PDE4D: variants seen among roughly 807,000 people sequenced by gnomAD.
PDE4D encodes 3',5'-cyclic-AMP phosphodiesterase 4D.
A neutral mutation model predicts 87.4 loss-of-function variants in PDE4D; 24 were observed. The observed-to-expected ratio is 0.27, with a 90% CI of 0.20 to 0.39. The LOEUF (loss-of-function observed/expected upper bound fraction) is 0.39, where lower values mean the gene tolerates loss of function less well. PDE4D is among the 10% of genes least tolerant of loss of function. PDE4D has a pLI of 1.00. For missense variants in PDE4D, 714 were observed against 1,041.0 expected (o/e 0.69, Z 4.32); for synonymous variants, 384 against 383.2 (o/e 1.00, Z -0.02).
chr5:59,090,713 T>A (rs2153428288), intron 5 of PDE4D, among the ~76,000 whole-genome samples: 1 of 151,482 alleles, frequency 6.6e-6, no homozygotes, highest in African/African-American at 2.4e-5. Context: ...CCAAAGAATA[T>A]TTGCATTCTA....
chr5:59,256,250 G>T (rs1321619278), intron 1 of PDE4D, among the ~76,000 whole-genome samples: 3 of 152,002 alleles, frequency 2.0e-5, no homozygotes, highest in African/African-American at 7.2e-5. Context: ...ATTCTCTGTA[G>T]TTAGAGCATT....
At chr5:59,967,175 G>C (rs911360913) in intron 3 of PDE4D, among the ~76,000 whole-genome samples, 3 of 152,032 alleles carry the variant, frequency 2.0e-5, no homozygotes, top group Admixed American at 6.6e-5. Flanking sequence ...AATTATTGAT[G>C]TCAGCAGGGC....
At chr5:60,161,250 A>G (rs1484848874) in intron 2 of PDE4D, among the ~76,000 whole-genome samples, 3 of 152,166 alleles carry the variant, frequency 2.0e-5, no homozygotes, top group Admixed American at 2.0e-4. Flanking sequence ...AGTAGACTGC[A>G]TAAGTTGACT....
rs548085303 is a variant in PDE4D at position 59,180,852 on chromosome 5, T to C, written c.759-208A>G. On this transcript the variant is annotated intron_variant, in intron 4 of 14. Transcript: ENST00000340635. ...CACACATGTCCAAAAAGAAAACTGG[T>C]AAATCTCACAGTGATTGATTTGGGG... Among the ~76,000 whole-genome samples the C allele has an allele frequency of 4.6e-5, 7 of 152,332 alleles. No homozygotes were observed. In the South Asian group the frequency reaches 6.2e-4, roughly 14 times the overall value.
chr5:58,990,896 C>A lies in PDE4D; in HGVS notation c.1195G>T (p.Glu399Ter). ...EQEDVLAKEL[E>*]DVNKWGLHVF... ...TGAAGACCCCATTTGTTCACATCTT[C>A]TAGTTCCTGGAGTGAAAAAAAAAAA... Residue 399 changes from glutamate to a stop codon, truncating the protein, a stop_gained, in exon 9 of 15, where the codon GAA becomes TAA. Coordinates refer to ENST00000340635, the MANE Select transcript of PDE4D (RefSeq NM_001104631.2). LOFTEE classifies it high-confidence loss of function. The A allele has an allele frequency of 6.5e-7, 1 of 1,548,370 alleles. No homozygotes were observed. Among genetic ancestry groups the A allele is most frequent in the Non-Finnish European group, 8.8e-7 (1 of 1,131,800 alleles).
intron 1 of PDE4D, among the ~76,000 whole-genome samples, chr5:59,421,995 G>A (rs534397338): frequency 3.3e-4 from 50 of 152,110 alleles, no homozygotes; most frequent in African/African-American, 1.1e-3. Flanking sequence ...AACGTGGGAG[G>A]AAGCCCTTAG....
intron 1 of PDE4D, among the ~76,000 whole-genome samples, chr5:60,243,307 A>ACAAGAT (rs1747344383): frequency 6.6e-6 from 1 of 152,014 alleles, no homozygotes; most frequent in Non-Finnish European, 1.5e-5. Context: ...ATAATAAGCA[A>ACAAGAT]CAAGATCAAA....
At chr5:59,244,132 A>T (rs912834543) in intron 1 of PDE4D, among the ~76,000 whole-genome samples, 1 of 152,064 alleles carries the variant, frequency 6.6e-6, no homozygotes, top group Non-Finnish European at 1.5e-5. Context: ...AGAATAAAAA[A>T]TTATATATAT....
At chr5:59,645,267 C>A (rs1580118897) in intron 1 of PDE4D, among the ~76,000 whole-genome samples, 1 of 152,172 alleles carries the variant, frequency 6.6e-6, no homozygotes. Flanking sequence ...AGCTTCAGGG[C>A]CCCTCACTTG....
chr5:60,092,741 C>T (rs1775268641), intron 2 of PDE4D, among the ~76,000 whole-genome samples: 1 of 152,154 alleles, frequency 6.6e-6, no homozygotes, highest in African/African-American at 2.4e-5. Flanking sequence ...AAAAGTGAAT[C>T]ACCAAGCCCA....
chr5:59,981,036 A>G (rs1761874552), intron 3 of PDE4D, among the ~76,000 whole-genome samples: 1 of 152,030 alleles, frequency 6.6e-6, no homozygotes, highest in Non-Finnish European at 1.5e-5. Flanking sequence ...AAGATTTCAT[A>G]AGGCCAGGAG....
At chr5:59,584,156 G>A (rs1392227110) in intron 1 of PDE4D, among the ~76,000 whole-genome samples, 3 of 152,232 alleles carry the variant, frequency 2.0e-5, no homozygotes, top group African/African-American at 4.8e-5. Context: ...CTTACAGTAG[G>A]ACAAAGGGAA....
intron 1 of PDE4D, among the ~76,000 whole-genome samples, chr5:59,784,326 A>T (rs1466838710): frequency 6.6e-6 from 1 of 151,654 alleles, no homozygotes; most frequent in Non-Finnish European, 1.5e-5. Context: ...ATGGATTAGG[A>T]GCAAAAGATT....
chr5:59,488,475 C>T (rs372009500), intron 1 of PDE4D, among the ~76,000 whole-genome samples: 10 of 152,148 alleles, frequency 6.6e-5, no homozygotes, highest in African/African-American at 1.7e-4. Flanking sequence ...AATAGGGACA[C>T]TTCTCTTTTT....
At chr5:60,519,269 C>T (rs1254268876) in intron 1 of PDE4D, among the ~76,000 whole-genome samples, 1 of 152,216 alleles carries the variant, frequency 6.6e-6, no homozygotes, top group Admixed American at 6.5e-5. Flanking sequence ...TTTCTACTTC[C>T]ACCCTTTTCC....
chr5:60,287,600 G>T (rs1366743388), intron 1 of PDE4D, among the ~76,000 whole-genome samples: 1 of 152,066 alleles, frequency 6.6e-6, no homozygotes, highest in African/African-American at 2.4e-5. Flanking sequence ...TTCTCTACAC[G>T]TGCCTATTCA....
chr5:59,067,459 T>C (rs1764116031), intron 5 of PDE4D, among the ~76,000 whole-genome samples: 1 of 152,208 alleles, frequency 6.6e-6, no homozygotes, highest in Non-Finnish European at 1.5e-5. Context: ...TTTCAATTAG[T>C]ACTTTTTTTG....
intron 1 of PDE4D, among the ~76,000 whole-genome samples, chr5:59,316,008 C>G (rs1210194362): frequency 6.6e-6 from 1 of 152,108 alleles, no homozygotes; most frequent in Non-Finnish European, 1.5e-5. Context: ...TCCAAATGTA[C>G]TTTGCTTCAA....
intron 1 of PDE4D, among the ~76,000 whole-genome samples, chr5:59,671,497 T>G (rs778954659): frequency 3.9e-5 from 6 of 152,172 alleles, no homozygotes; most frequent in Non-Finnish European, 7.3e-5. Context: ...CAAGTATTTC[T>G]TCATATTAGA....
Sources: gnomAD v4.1 joint callset for allele counts (sites outside exome capture counted in the v4.1 genomes callset) on GRCh38, gnomAD v4.1.1 for gene constraint, MANE v1.5 for transcripts, NCBI Gene and HGNC (gene_info 2026-07-23, HGNC 2026-07-21) for gene names.